The following ANKFN1 variants were observed in gnomAD, a reference collection of about 807,000 sequenced individuals.
ANKFN1 encodes ankyrin repeat and fibronectin type-III domain-containing protein 1.
Under a neutral mutation model 108.7 loss-of-function variants are expected in ANKFN1, and 74 were observed. The ratio of observed to expected loss-of-function variants is 0.68; its 90% CI spans 0.56 to 0.83. The LOEUF (loss-of-function observed/expected upper bound fraction) is 0.83, where lower values mean the gene tolerates loss of function less well. ANKFN1 is among the 40% of genes least tolerant of loss of function. ANKFN1 has a pLI of 0.00. For synonymous variants in ANKFN1, 547 were observed against 516.2 expected (o/e 1.06, Z -0.81); for missense variants, 1,505 against 1,382.3 (o/e 1.09, Z -1.41).
At chr17:56,269,335 T>C (rs1258123780) in intron 3 of ANKFN1, among the ~76,000 whole-genome samples, 1 of 152,346 alleles carries the variant, frequency 6.6e-6, no homozygotes, top group East Asian at 1.9e-4. Flanking sequence ...GGCATATTCA[T>C]TGTAATCGTC....
At chr17:56,243,394 C>T (rs1236390116) in intron 3 of ANKFN1, among the ~76,000 whole-genome samples, 1 of 152,114 alleles carries the variant, frequency 6.6e-6, no homozygotes, top group Admixed American at 6.6e-5. Context: ...AGCCAAGCCT[C>T]CAAGCTAGTG....
At chr17:56,406,907 A>G (rs2047939054) in intron 8 of ANKFN1, among the ~76,000 whole-genome samples, 1 of 152,206 alleles carries the variant, frequency 6.6e-6, no homozygotes, top group Non-Finnish European at 1.5e-5. Context: ...TGAAACTGCC[A>G]TGGTTCATGT....
intron 4 of ANKFN1, among the ~76,000 whole-genome samples, chr17:56,136,372 C>T (rs1907601543): frequency 6.6e-6 from 1 of 152,148 alleles, no homozygotes. Flanking sequence ...GAATGAACAG[C>T]TAGAGACAGT....
intron 3 of ANKFN1, among the ~76,000 whole-genome samples, chr17:56,320,195 A>G (rs1376484334): frequency 2.0e-5 from 3 of 152,336 alleles, no homozygotes; most frequent in South Asian, 4.1e-4. Context: ...AGCTATTAAA[A>G]GTAACTATTT....
rs143977969 is a variant in ANKFN1, at chr17:56,270,527, C to T, written c.53+42570C>T. 6.7e-3 allele frequency among the ~76,000 whole-genome samples: 1,026 copies of T among 152,332 alleles called. 7 individuals carry two copies. Among genetic ancestry groups the T allele is most frequent in the Non-Finnish European group, 0.01 (706 of 68,032 alleles). On this transcript the variant is annotated intron_variant, in intron 3 of 20. Transcript: ENST00000682825. ...TACCTCTAGATCCTGGCAACCCCCT[C>T]CTAGTTGGTGGCTCTGCGTCCACTC... is the stretch of plus-strand genomic sequence containing the variant.
At chr17:56,234,964 C>T (rs537752776) in intron 3 of ANKFN1, among the ~76,000 whole-genome samples, 1 of 152,298 alleles carries the variant, frequency 6.6e-6, no homozygotes. Flanking sequence ...TTTACAGTCC[C>T]ACCAAGAGTG....
intron 1 of ANKFN1, among the ~76,000 whole-genome samples, chr17:56,170,807 T>TATATATATACACACAC (rs1361307404): frequency 6.2e-4 from 38 of 61,428 alleles, no homozygotes; most frequent in African/African-American, 1.7e-3. Context: ...TATATATATA[T>TATATATATACACACAC]ACACACACAC....
At chr17:56,467,791 G>GAAAAAAGA in intron 15 of ANKFN1, among the ~76,000 whole-genome samples, 1 of 55,060 alleles carries the variant, frequency 1.8e-5, no homozygotes, top group African/African-American at 5.3e-5. Flanking sequence ...AAGAAAGAAA[G>GAAAAAAGA]AAGAAAGAAA....
chr17:56,409,992 GAAAGT>G (rs1425469816), intron 8 of ANKFN1, among the ~76,000 whole-genome samples: 4 of 152,054 alleles, frequency 2.6e-5, no homozygotes, highest in African/African-American at 9.7e-5. Context: ...TAAAAAAACT[GAAAGT>G]AGAGTACTAT....
At chr17:56,294,595 C>A (rs1345738290) in intron 3 of ANKFN1, among the ~76,000 whole-genome samples, 3 of 152,306 alleles carry the variant, frequency 2.0e-5, no homozygotes, top group South Asian at 4.1e-4. Flanking sequence ...TAGCCTAGTG[C>A]AGCACTTAGG....
chr17:56,144,541 C>T (rs999783909), intron 4 of ANKFN1, among the ~76,000 whole-genome samples: 1 of 152,204 alleles, frequency 6.6e-6, no homozygotes, highest in Non-Finnish European at 1.5e-5. Context: ...GCGGGAGTCC[C>T]TAGAATGAGA....
At chr17:56,417,966 G>C (rs1638881351) in intron 8 of ANKFN1, among the ~76,000 whole-genome samples, 1 of 152,172 alleles carries the variant, frequency 6.6e-6, no homozygotes, top group Non-Finnish European at 1.5e-5. Flanking sequence ...TCTTGAATCA[G>C]AAGATACTCT....
chr17:56,117,144 C>A (rs1906331106), intron 4 of ANKFN1, among the ~76,000 whole-genome samples: 1 of 152,054 alleles, frequency 6.6e-6, no homozygotes, highest in African/African-American at 2.4e-5. Flanking sequence ...TAAATTTATG[C>A]CTTTATTAAA....
chr17:56,352,049 G>A (rs548168619), intron 5 of ANKFN1, among the ~76,000 whole-genome samples: 5 of 152,244 alleles, frequency 3.3e-5, no homozygotes, highest in African/African-American at 9.6e-5. Context: ...CTTTGAACTC[G>A]TTTGTTTTCT....
chr17:56,118,237 T>C (rs971727135), intron 4 of ANKFN1, among the ~76,000 whole-genome samples: 1 of 152,120 alleles, frequency 6.6e-6, no homozygotes, highest in African/African-American at 2.4e-5. Context: ...TTCTTCTGGA[T>C]ATACATCTAC....
At chr17:56,123,897 T>G (rs1021820621) in intron 4 of ANKFN1, among the ~76,000 whole-genome samples, 6 of 151,032 alleles carry the variant, frequency 4.0e-5, no homozygotes, top group Admixed American at 3.3e-4. Flanking sequence ...CTACATGAAT[T>G]ATGAGAGGCA....
Position 56,484,600 on chromosome 17 carries a change from A to G in ANKFN1, c.2260+2076A>G, listed in dbSNP as rs533622479. On this transcript the variant is annotated intron_variant, in intron 18 of 20. Transcript: ENST00000682825. ...TGTTGAGACTGAAGGTGCTAAGTCA[A>G]CATCCAAGTGGACATGTTTCACTGG... 5.4e-4 allele frequency among the ~76,000 whole-genome samples: 82 copies of G among 152,312 alleles called. 1 individual carries two copies. The South Asian group carries it at 0.016, about 29-fold the overall frequency.
chr17:56,352,456 A>G (rs994604824), intron 5 of ANKFN1, among the ~76,000 whole-genome samples: 2 of 152,076 alleles, frequency 1.3e-5, no homozygotes, highest in African/African-American at 2.4e-5. Context: ...TGGTATTCCA[A>G]CTCTTTTAAA....
chr17:56,456,041 A>G (rs2049681788), intron 11 of ANKFN1, among the ~76,000 whole-genome samples: 1 of 152,306 alleles, frequency 6.6e-6, no homozygotes, highest in Non-Finnish European at 1.5e-5. Context: ...ACGAGATGAT[A>G]TGGGTGGGGT....
Sources: allele counts gnomAD v4.1 joint callset (sites outside exome capture counted in the v4.1 genomes callset), GRCh38; gene constraint gnomAD v4.1.1; transcripts MANE v1.5; gene names NCBI Gene and HGNC (gene_info 2026-07-23, HGNC 2026-07-21).